The following RBMS3 variants were observed in gnomAD, a reference collection of about 807,000 sequenced individuals.
RBMS3 encodes the protein RNA binding motif single stranded interacting protein 3.
RBMS3 carries 27 observed loss-of-function variants against 66.8 expected under a neutral mutation model. The observed-to-expected ratio is 0.40, with a 90% CI of 0.30 to 0.56. RBMS3 has a LOEUF of 0.56. Among genes scored for constraint, RBMS3 ranks in the 20% least tolerant of loss-of-function variants. The pLI, the probability that RBMS3 is intolerant of heterozygous loss-of-function variation, is 0.40. For missense variants in RBMS3, 513 were observed against 549.5 expected, an observed-to-expected ratio of 0.93 and a Z score of 0.66; for synonymous variants, 188 against 183.0, an observed-to-expected ratio of 1.03 and a Z score of -0.22.
At chr3:29,901,061 C>T (rs1331661166) in intron 10 of RBMS3, among the ~76,000 whole-genome samples, 1 of 151,710 alleles carries the variant, frequency 6.6e-6, no homozygotes, top group Non-Finnish European at 1.5e-5. Context: ...CACAGCAGAA[C>T]TTTGTACCAT....
chr3:29,691,947 C>CTCTCTTTTTTTTTTTTTT (rs1218393454), intron 4 of RBMS3, among the ~76,000 whole-genome samples: 4 of 53,522 alleles, frequency 7.5e-5, no homozygotes, highest in Non-Finnish European at 1.2e-4. Flanking sequence ...CTCTCTCTCT[C>CTCTCTTTTTTTTTTTTTT]TATTTTTTTT....
At chr3:29,501,852 A>G (rs2043986203) in intron 3 of RBMS3, among the ~76,000 whole-genome samples, 1 of 152,056 alleles carries the variant, frequency 6.6e-6, no homozygotes, top group African/African-American at 2.4e-5. Flanking sequence ...CCCAGGAGAG[A>G]CGCCCTACTT....
At chr3:29,855,889 A>G (rs1461471222) in intron 6 of RBMS3, among the ~76,000 whole-genome samples, 1 of 152,096 alleles carries the variant, frequency 6.6e-6, no homozygotes, top group Non-Finnish European at 1.5e-5. Context: ...CATTCTAGGA[A>G]CTACATTATA....
chr3:29,485,698 C>T (rs17023708), intron 2 of RBMS3, among the ~76,000 whole-genome samples: 8,324 of 152,246 alleles, frequency 0.055, 577 homozygotes, highest in African/African-American at 0.16. Context: ...TCTCCTCTAG[C>T]TGTAAGAAAT....
chr3:29,592,899 A>T (rs1453384992), intron 4 of RBMS3, among the ~76,000 whole-genome samples: 2 of 151,522 alleles, frequency 1.3e-5, no homozygotes, highest in African/African-American at 2.4e-5. Context: ...TCAGCAAACT[A>T]TCGCAAGGAC....
intron 14 of RBMS3, among the ~76,000 whole-genome samples, chr3:29,995,444 C>G (rs949550170): frequency 1.2e-4 from 19 of 152,056 alleles, no homozygotes; most frequent in Non-Finnish European, 2.4e-4. Context: ...AGAAGAGCAA[C>G]TCCAAGACAC....
chr3:29,543,819 C>G (rs2045852838), intron 3 of RBMS3, among the ~76,000 whole-genome samples: 1 of 152,084 alleles, frequency 6.6e-6, no homozygotes, highest in Admixed American at 6.5e-5. Context: ...CCTGAAGGAA[C>G]TATAAGGTAC....
At chr3:29,295,996 C>T (rs1244115814) in intron 1 of RBMS3, among the ~76,000 whole-genome samples, 1 of 151,712 alleles carries the variant, frequency 6.6e-6, no homozygotes, top group African/African-American at 2.4e-5. Flanking sequence ...GTTTTGATGA[C>T]AGGATTGTAC....
rs1035397344 is a variant in RBMS3, at chr3:29,968,763, T to C, written c.1099-19380T>C. 6.6e-5 allele frequency among the ~76,000 whole-genome samples: 10 copies of C among 152,308 alleles called. No homozygotes were observed. The South Asian group carries it at 8.3e-4, about 13-fold the overall frequency. On this transcript the variant is annotated intron_variant, in intron 12 of 14. Coordinates refer to ENST00000383767, the MANE Select transcript of RBMS3 (RefSeq NM_001003793.3). Reference sequence around the variant, plus strand: ...AGAGGGTCTGTGGATCCTCTCAGGATTGCTGGTTTGTTCTTGCAGTCGATC... The same window carrying C: ...AGAGGGTCTGTGGATCCTCTCAGGACTGCTGGTTTGTTCTTGCAGTCGATC...
intron 5 of RBMS3, among the ~76,000 whole-genome samples, chr3:29,750,138 A>T (rs1356567768): frequency 3.9e-5 from 6 of 152,014 alleles, no homozygotes; most frequent in Non-Finnish European, 5.9e-5. Flanking sequence ...ATAACTTTTG[A>T]TTGACGTTGA....
At chr3:29,627,242 A>C (rs1020439090) in intron 4 of RBMS3, among the ~76,000 whole-genome samples, 1 of 151,942 alleles carries the variant, frequency 6.6e-6, no homozygotes, top group South Asian at 2.1e-4. Context: ...CACCTAGTAT[A>C]AAGTGAGTAT....
rs1371897171 is a variant in RBMS3 at position 29,897,495 on chromosome 3, A to G, written c.888+20A>G. The G allele has an allele frequency of 1.9e-6, 3 of 1,584,702 alleles. No individual in the cohort carries two copies. The highest frequency in any genetic ancestry group is 2.6e-6 in the Non-Finnish European group (3 of 1,154,328). ...TACCAGGTATGTCCAATTTACCTGC[A>G]CCTTAGGAGATATCTTTCTTGCAGT... On this transcript the variant is annotated intron_variant, in intron 9 of 14. Coordinates refer to ENST00000383767, the MANE Select transcript of RBMS3 (RefSeq NM_001003793.3).
chr3:29,694,846 A>G (rs1230450640), intron 4 of RBMS3, among the ~76,000 whole-genome samples: 1 of 151,690 alleles, frequency 6.6e-6, no homozygotes, highest in Non-Finnish European at 1.5e-5. Flanking sequence ...AAAAAGCTGC[A>G]TGCAAATTTT....
chr3:29,999,768 G>A (rs1219591682), intron 14 of RBMS3, among the ~76,000 whole-genome samples: 1 of 151,950 alleles, frequency 6.6e-6, no homozygotes, highest in African/African-American at 2.4e-5. Context: ...TGGGGTGGGG[G>A]GAGTGGGGAG....
intron 4 of RBMS3, among the ~76,000 whole-genome samples, chr3:29,668,259 T>C (rs1484363736): frequency 1.3e-5 from 2 of 152,192 alleles, no homozygotes; most frequent in African/African-American, 4.8e-5. Context: ...TCCCCTAAGG[T>C]TGGCCAACCA....
At chr3:29,755,199 T>C (rs546489307) in intron 5 of RBMS3, among the ~76,000 whole-genome samples, 72 of 152,226 alleles carry the variant, frequency 4.7e-4, no homozygotes, top group Non-Finnish European at 7.9e-4. Flanking sequence ...GAAAATTCCT[T>C]CTAGAAACAT....
intron 1 of RBMS3, among the ~76,000 whole-genome samples, chr3:29,361,031 C>G (rs2037552148): frequency 6.6e-6 from 1 of 151,960 alleles, no homozygotes; most frequent in Non-Finnish European, 1.5e-5. Flanking sequence ...TTAATTGGAG[C>G]ACTTAGCCCA....
intron 4 of RBMS3, among the ~76,000 whole-genome samples, chr3:29,664,585 C>T (rs556788185): frequency 6.6e-6 from 1 of 151,148 alleles, no homozygotes; most frequent in Non-Finnish European, 1.5e-5. Context: ...GATAGCCAGT[C>T]AAATGGAAAT....
chr3:29,449,720 T>C (rs2041954141), intron 2 of RBMS3, among the ~76,000 whole-genome samples: 1 of 152,244 alleles, frequency 6.6e-6, no homozygotes, highest in Non-Finnish European at 1.5e-5. Context: ...GTTTTAACGC[T>C]AAAAGAGCCA....
Sources: gnomAD v4.1 joint callset for allele counts (sites outside exome capture counted in the v4.1 genomes callset) on GRCh38, gnomAD v4.1.1 for gene constraint, MANE v1.5 for transcripts, NCBI Gene and HGNC (gene_info 2026-07-23, HGNC 2026-07-21) for gene names.